C1orf56: variants seen among roughly 807,000 people sequenced by gnomAD.
The protein encoded by C1orf56 is protein MENT.
C1orf56 carries 14 observed loss-of-function variants against 20.7 expected under a neutral mutation model. That is an observed-to-expected ratio of 0.68 (90% confidence interval 0.45 to 1.06). The LOEUF is 1.06. Among genes scored for constraint, C1orf56 ranks in the 50% least tolerant of loss-of-function variants. The probability of loss-of-function intolerance (pLI) is 0.00; values close to 1 mark genes in which losing one functional copy is unlikely to be tolerated. For missense variants in C1orf56, 424 were observed against 451.4 expected, an observed-to-expected ratio of 0.94 and a Z score of 0.55; for synonymous variants, 187 against 194.7, an observed-to-expected ratio of 0.96 and a Z score of 0.33.
chr1:151,048,600 A>G lies in C1orf56; in HGVS notation c.753A>G (p.Gln251=), dbSNP rs1676111132. 3 of 1,614,260 alleles carry G rather than the reference A, an allele frequency of 1.9e-6. No individual in the cohort carries two copies. The highest frequency in any genetic ancestry group is 4.5e-5 in the East Asian group (2 of 44,886). ...CGGAGCACAAGCCTTGCACCTATCA[A>G]CAATGTCCCTGCAACCGACTTCGGG... ...LRTEHKPCTY[Q]QCPCNRLREE... The change falls in exon 1 of 2, where the codon CAA becomes CAG. Residue 251 remains glutamine (Q), a synonymous_variant. Coordinates refer to ENST00000368926, the MANE Select transcript of C1orf56 (RefSeq NM_017860.5). This position sits in a 1 kb window ranked among gnomAD's most constrained non-coding sequence, Gnocchi z 4.8.
chr1:151,047,829 A>C lies in C1orf56; in HGVS notation c.-19A>C, dbSNP rs751113549. 1 of 1,526,772 alleles carries C rather than the reference A, an allele frequency of 6.5e-7. No homozygotes were observed. The highest frequency in any genetic ancestry group is 8.7e-7 in the Non-Finnish European group (1 of 1,143,384). The allele number at this position is 1,526,772 out of a possible 1,614,324, so 94.6% of individuals were successfully genotyped here. ...GCTTGCCTCACTGGCCACCCTCCCA[A>C]CCCCAAGAGCCCAGCCCCATGGTCC... On this transcript the variant is annotated 5_prime_UTR_variant, in exon 1 of 2. Transcript: ENST00000368926.
chr1:151,048,733 A>G lies in C1orf56; in HGVS notation c.886A>G (p.Ser296Gly). Residue 296 changes from serine (S) to glycine (G), a missense_variant, in exon 1 of 2, where the codon AGC becomes GGC. Coordinates refer to ENST00000368926, the MANE Select transcript of C1orf56 (RefSeq NM_017860.5). The surrounding 1 kb of genome is among the most constrained non-coding windows in gnomAD (Gnocchi z 4.8). ...CCCCTTCCCCACCATCCACCTCAGA[A>G]GCAGTCCCAGCCTGCCACCCGCCAG... Reference protein sequence around the residue: ...TTPFPTIHLRSSPSLPPASPC... With the variant: ...TTPFPTIHLRGSPSLPPASPC... 6.2e-7 allele frequency: 1 copy of G among 1,613,650 alleles called. No individual in the cohort carries two copies. The highest frequency in any genetic ancestry group is 8.5e-7 in the Non-Finnish European group (1 of 1,179,770).
Position 151,048,591 on chromosome 1 carries a change from C to T in C1orf56, c.744C>T (p.Cys248=), listed in dbSNP as rs1169961013. The change falls in exon 1 of 2, where the codon TGC becomes TGT. Residue 248 remains cysteine, a synonymous_variant. Coordinates refer to ENST00000368926, the MANE Select transcript of C1orf56 (RefSeq NM_017860.5). This position sits in a 1 kb window ranked among gnomAD's most constrained non-coding sequence, Gnocchi z 4.8. ...LSQLRTEHKP[C]TYQQCPCNRL... Reference sequence around the variant, plus strand: ...AGCTCCGCACGGAGCACAAGCCTTGCACCTATCAACAATGTCCCTGCAACC... The same window carrying T: ...AGCTCCGCACGGAGCACAAGCCTTGTACCTATCAACAATGTCCCTGCAACC... 1.9e-6 allele frequency: 3 copies of T among 1,614,140 alleles called. No individual in the cohort carries two copies. The highest frequency in any genetic ancestry group is 2.5e-6 in the Non-Finnish European group (3 of 1,180,058).
In C1orf56 at chr1:151,048,449, T is replaced by C; in HGVS notation, c.602T>C (p.Leu201Pro). The C allele has an allele frequency of 1.2e-6, 2 of 1,608,838 alleles. No individual in the cohort carries two copies. The highest frequency in any genetic ancestry group is 1.7e-6 in the Non-Finnish European group (2 of 1,179,968). The change falls in exon 1 of 2, where the codon CTG becomes CCG. Residue 201 changes from leucine to proline, a missense_variant. Transcript: ENST00000368926. The surrounding 1 kb of genome is among the most constrained non-coding windows in gnomAD (Gnocchi z 4.8). ...ATGCCATCTCCTGAGGATCTGCGGC[T>C]GGTGCTGATGCCCTGGGGCCCGTGG... ...TAMPSPEDLR[L>P]VLMPWGPWHC...
rs1676179253 is a variant in C1orf56 at position 151,051,407 on chromosome 1, A to AAG, written c.*950_*951insGA. On this transcript the variant is annotated 3_prime_UTR_variant, in exon 2 of 2. Coordinates refer to ENST00000368926, the MANE Select transcript of C1orf56 (RefSeq NM_017860.5). The stretch of plus-strand genomic sequence containing the variant: ...CATGGAAATTTGAAAAAAAAAAAAA[A>AAG]AAAAAAAAAAAAAGAACCTCAGTCA... The AAG allele has an allele frequency of 6.7e-6, 1 of 148,704 alleles. No homozygotes were observed. Among genetic ancestry groups the AAG allele is most frequent in the Non-Finnish European group, 1.5e-5 (1 of 67,042 alleles). The allele number at this position is 148,704 out of a possible 1,614,324, so 9.2% of individuals were successfully genotyped here.
rs938756744 is a variant in C1orf56, at chr1:151,050,811, G to C, written c.*353G>C. ...AAGAAAAGGGAGTAGGAAGAACAAGGAGTTGAGCCCTTGAAAGATGACAGT... is the reference window on the plus strand; with the variant it reads ...AAGAAAAGGGAGTAGGAAGAACAAGCAGTTGAGCCCTTGAAAGATGACAGT... On this transcript the variant is annotated 3_prime_UTR_variant, in exon 2 of 2. Transcript: ENST00000368926. 1.5e-5 allele frequency: 3 copies of C among 199,216 alleles called. No homozygotes were observed. Among genetic ancestry groups the C allele is most frequent in the African/African-American group, 7.0e-5 (3 of 43,140 alleles). 12.3% of individuals were successfully genotyped at this position (199,216 alleles called of 1,614,324 possible).
intron 1 of C1orf56, chr1:151,049,498 C>T (rs1476091190): frequency 2.0e-5 from 3 of 150,180 alleles, no homozygotes; most frequent in Admixed American, 2.0e-4. Flanking sequence ...TCAAGCAATT[C>T]TCCTGCCTCA....
In C1orf56 at chr1:151,048,610, T is replaced by A. The variant is rs768761648; in HGVS notation, c.763T>A (p.Cys255Ser). The A allele has an allele frequency of 6.2e-7, 1 of 1,614,258 alleles. No homozygotes were observed. The highest frequency in any genetic ancestry group is 8.5e-7 in the Non-Finnish European group (1 of 1,180,046). ...GCCTTGCACCTATCAACAATGTCCC[T>A]GCAACCGACTTCGGGAAGAGTGCCC... ...HKPCTYQQCP[C>S]NRLREECPLD... The change falls in exon 1 of 2, where the codon TGC (cysteine) becomes AGC (serine). Residue 255 changes from cysteine to serine, a missense_variant. Physicochemically the swap from Cys to Ser is moderately radical, Grantham distance 112. Transcript: ENST00000368926. The surrounding 1 kb of genome is among the most constrained non-coding windows in gnomAD (Gnocchi z 4.8).
rs1676084563 is a variant in C1orf56, at chr1:151,047,795, G to A, written c.-53G>A. 3 of 1,465,824 alleles carry A rather than the reference G, an allele frequency of 2.0e-6. No homozygotes were observed. The South Asian group carries it at 4.3e-5, about 21-fold the overall frequency. 90.8% of individuals were successfully genotyped at this position (1,465,824 alleles called of 1,614,324 possible). A position where few individuals can be genotyped will look rare whatever the true frequency, so the allele number is the denominator to read the frequency against. On this transcript the variant is annotated 5_prime_UTR_variant, in exon 1 of 2. Transcript: ENST00000368926. ...CAGCGGAAGGGAGGGAGCGAAGGTAGGAGGCAGGGCTTGCCTCACTGGCCA... is the reference window on the plus strand; with the variant it reads ...CAGCGGAAGGGAGGGAGCGAAGGTAAGAGGCAGGGCTTGCCTCACTGGCCA...
chr1:151,048,857 G>T lies in C1orf56; in HGVS notation c.1005+5G>T. 1 of 1,534,474 alleles carries T rather than the reference G, an allele frequency of 6.5e-7. No homozygotes were observed. Among genetic ancestry groups the T allele is most frequent in the Non-Finnish European group, 8.8e-7 (1 of 1,139,560 alleles). On this transcript the variant is annotated splice_donor_5th_base_variant and intron_variant, in intron 1 of 1. Transcript: ENST00000368926. This position sits in a 1 kb window ranked among gnomAD's most constrained non-coding sequence, Gnocchi z 4.8. ...GTGTTCACAGAGATGCAACCAGTAA[G>T]TGTTTGGTGATGAGCCAGGGTCTTT...
In C1orf56 at chr1:151,048,601, C is replaced by T. The variant is rs1428834345; in HGVS notation, c.754C>T (p.Gln252Ter). The stretch of plus-strand genomic sequence containing the variant: ...GGAGCACAAGCCTTGCACCTATCAA[C>T]AATGTCCCTGCAACCGACTTCGGGA... ...RTEHKPCTYQQCPCNRLREEC... is the reference protein window; with the variant it reads ...RTEHKPCTYQ Residue 252 changes from glutamine (Q) to a stop codon, truncating the protein, a stop_gained, in exon 1 of 2, where the codon CAA becomes TAA. Coordinates refer to ENST00000368926, the MANE Select transcript of C1orf56 (RefSeq NM_017860.5). LOFTEE classifies it high-confidence loss of function. The surrounding 1 kb of genome is among the most constrained non-coding windows in gnomAD (Gnocchi z 4.8). 3.1e-6 allele frequency: 5 copies of T among 1,614,268 alleles called. No homozygotes were observed. Among genetic ancestry groups the T allele is most frequent in the Non-Finnish European group, 4.2e-6 (5 of 1,180,048 alleles).
rs1676107929 is a variant in C1orf56 at position 151,048,487 on chromosome 1, A to C, written c.640A>C (p.Lys214Gln). 3.7e-6 allele frequency: 6 copies of C among 1,609,600 alleles called. No homozygotes were observed. Among genetic ancestry groups the C allele is most frequent in the Non-Finnish European group, 5.1e-6 (6 of 1,179,928 alleles). ...MPWGPWHCHCKSGTMSRSRSG... is the reference protein window; with the variant it reads ...MPWGPWHCHCQSGTMSRSRSG... The stretch of plus-strand genomic sequence containing the variant: ...CTGGGGCCCGTGGCACTGCCACTGC[A>C]AGTCGGGCACCATGAGCCGGAGCCG... The change falls in exon 1 of 2, where the codon AAG becomes CAG. Residue 214 changes from lysine (K) to glutamine (Q), a missense_variant. Coordinates refer to ENST00000368926, the MANE Select transcript of C1orf56 (RefSeq NM_017860.5). The surrounding 1 kb of genome is among the most constrained non-coding windows in gnomAD (Gnocchi z 4.8).
At chr1:151,049,804 T>A (rs1676140363) in intron 1 of C1orf56, 1 of 152,346 alleles carries the variant, frequency 6.6e-6, no homozygotes, top group African/African-American at 2.4e-5. Context: ...ATTCTGGGAT[T>A]ACAGACATGA....
Position 151,047,973 on chromosome 1 carries a change from C to A in C1orf56, c.126C>A (p.Gly42=). Residue 42 remains glycine (G), a synonymous_variant, in exon 1 of 2, where the codon GGC becomes GGA. Coordinates refer to ENST00000368926, the MANE Select transcript of C1orf56 (RefSeq NM_017860.5). The part of the protein sequence containing the change: ...EMQRVSLRFG[G]PMTRSYRSTA... Reference sequence around the variant, plus strand: ...AGCGGGTCAGTTTACGCTTTGGGGGCCCCATGACCCGCAGCTACCGGAGCA... The same window carrying A: ...AGCGGGTCAGTTTACGCTTTGGGGGACCCATGACCCGCAGCTACCGGAGCA... The A allele has an allele frequency of 6.2e-7, 1 of 1,613,846 alleles. No homozygotes were observed. The highest frequency in any genetic ancestry group is 1.3e-5 in the African/African-American group (1 of 75,058).
chr1:151,050,583 G>A lies in C1orf56; in HGVS notation c.*125G>A. ...TGGAAAACACATTGTTTGGTCTTGTGTTTCTTTACAGAGGTACCTGAGGGA... is the reference window on the plus strand; with the variant it reads ...TGGAAAACACATTGTTTGGTCTTGTATTTCTTTACAGAGGTACCTGAGGGA... On this transcript the variant is annotated 3_prime_UTR_variant, in exon 2 of 2. Transcript: ENST00000368926. 1.0e-6 allele frequency: 1 copy of A among 973,476 alleles called. No individual in the cohort carries two copies. Among genetic ancestry groups the A allele is most frequent in the Non-Finnish European group, 1.5e-6 (1 of 650,556 alleles). 60.3% of individuals were successfully genotyped at this position (973,476 alleles called of 1,614,324 possible).
rs1676119047 is a variant in C1orf56, at chr1:151,048,923, G to A, written c.1005+71G>A. ...AAGTCCTGGTATCTAAAACCCAGTT[G>A]CTAAGCCAGCCAGTGTTGCTTACAT... is the stretch of plus-strand genomic sequence containing the variant. On this transcript the variant is annotated intron_variant, in intron 1 of 1. Transcript: ENST00000368926. The surrounding 1 kb of genome is among the most constrained non-coding windows in gnomAD (Gnocchi z 4.8). 2.0e-6 allele frequency: 3 copies of A among 1,500,984 alleles called. No individual in the cohort carries two copies. The highest frequency in any genetic ancestry group is 4.8e-5 in the Admixed American group (2 of 41,324). The allele number at this position is 1,500,984 out of a possible 1,614,324, so 93.0% of individuals were successfully genotyped here. A position where few individuals can be genotyped will look rare whatever the true frequency, so the allele number is the denominator to read the frequency against.
At position 151,047,920 on chromosome 1, in the gene C1orf56, G is replaced by C; in HGVS notation, c.73G>C (p.Gly25Arg). The change falls in exon 1 of 2, where the codon GGC (glycine) becomes CGC (arginine). Residue 25 changes from glycine to arginine, a missense_variant. Physicochemically the swap from Gly to Arg is moderately radical, Grantham distance 125. Coordinates refer to ENST00000368926, the MANE Select transcript of C1orf56 (RefSeq NM_017860.5). ...GGGTCCCCGGGCGGCGGGGGCCCAA[G>C]GCCTGACCCAGACTCCGACCGAAAT... The part of the protein sequence containing the change: ...NLGPRAAGAQ[G>R]LTQTPTEMQR... The C allele has an allele frequency of 1.2e-6, 2 of 1,612,348 alleles. No homozygotes were observed. Among genetic ancestry groups the C allele is most frequent in the Non-Finnish European group, 1.7e-6 (2 of 1,179,556 alleles).
rs112415141 is a variant in C1orf56, at chr1:151,050,508, C to G, written c.*50C>G. The stretch of plus-strand genomic sequence containing the variant: ...ATGTCAGTATCTCAACCTCTCTTGC[C>G]CTTTCAATCCTAGCACCCACTAGAT... On this transcript the variant is annotated 3_prime_UTR_variant, in exon 2 of 2. Transcript: ENST00000368926. The G allele has an allele frequency of 1.4e-5, 22 of 1,544,472 alleles. No individual in the cohort carries two copies. Among genetic ancestry groups the G allele is most frequent in the African/African-American group, 1.4e-4 (10 of 72,142 alleles).
Position 151,048,348 on chromosome 1 carries a change from C to G in C1orf56, c.501C>G (p.Gly167=). ...SPGRSTEDLP[G]SQATLSQWST... is the part of the protein sequence containing the mutation. ...GGAGGTCTACTGAGGACCTGCCAGG[C>G]TCGCAGGCCACCCTGAGCCAGTGGT... The change falls in exon 1 of 2, where the codon GGC becomes GGG. Residue 167 remains glycine, a synonymous_variant. Transcript: ENST00000368926. The surrounding 1 kb of genome is among the most constrained non-coding windows in gnomAD (Gnocchi z 4.8). The G allele has an allele frequency of 6.2e-7, 1 of 1,613,886 alleles. No individual in the cohort carries two copies. The highest frequency in any genetic ancestry group is 8.5e-7 in the Non-Finnish European group (1 of 1,179,972).
Sources: allele counts gnomAD v4.1 joint callset, GRCh38; gene constraint gnomAD v4.1.1; non-coding constraint Gnocchi (gnomAD v3.1); transcripts MANE v1.5; gene names NCBI Gene and HGNC (gene_info 2026-07-23, HGNC 2026-07-21).